Variants in KCNIP4 observed in about 807,000 individuals in gnomAD.
KCNIP4 encodes the protein Kv channel-interacting protein 4.
KCNIP4 carries 12 observed loss-of-function variants against 34.0 expected under a neutral mutation model. That is an observed-to-expected ratio of 0.35 (90% CI 0.23 to 0.57). The LOEUF (loss-of-function observed/expected upper bound fraction) is 0.57, where lower values mean the gene tolerates loss of function less well. Among genes scored for constraint, KCNIP4 ranks in the 20% least tolerant of loss-of-function variants. KCNIP4 has a pLI of 0.83. For missense variants in KCNIP4, 238 were observed against 311.7 expected (o/e 0.76, Z 1.78); for synonymous variants, 124 against 102.2 (o/e 1.21, Z -1.29).
chr4:21,233,293 T>C (rs903084161), intron 1 of KCNIP4, among the ~76,000 whole-genome samples: 1 of 152,026 alleles, frequency 6.6e-6, no homozygotes, highest in Non-Finnish European at 1.5e-5. Context: ...GGTGGTGAGA[T>C]TGTATGTCCA....
intron 1 of KCNIP4, among the ~76,000 whole-genome samples, chr4:21,302,348 A>G (rs557149862): frequency 6.6e-6 from 1 of 152,346 alleles, no homozygotes; most frequent in South Asian, 2.1e-4. Flanking sequence ...GCCACACAAC[A>G]TCCATGAAAT....
chr4:21,481,831 A>G (rs1045357918), intron 1 of KCNIP4, among the ~76,000 whole-genome samples: 4 of 152,194 alleles, frequency 2.6e-5, no homozygotes, highest in African/African-American at 9.6e-5. Context: ...ACATGAAAAA[A>G]TAATGTGAGA....
rs79513682 is a variant in KCNIP4, at chr4:21,869,221, G to C, written c.61+79350C>G. The stretch of plus-strand genomic sequence containing the variant: ...TTTCTACCCCAATTTTCTCCTCCCA[G>C]CTAGATCCTCATTGCTCTGTACACC... On this transcript the variant is annotated intron_variant, in intron 1 of 8. Transcript: ENST00000382152. Among the ~76,000 whole-genome samples, 1,320 of 152,110 alleles carry C rather than the reference G, an allele frequency of 8.7e-3. 15 individuals are homozygous for C. The highest frequency in any genetic ancestry group is 0.032 in the South Asian group (154 of 4,812).
chr4:21,224,380 T>C (rs1323500158), intron 1 of KCNIP4, among the ~76,000 whole-genome samples: 1 of 151,664 alleles, frequency 6.6e-6, no homozygotes, highest in African/African-American at 2.4e-5. Flanking sequence ...TTCAATCCCA[T>C]CCTGAGGGCC....
rs532474015 is a variant in KCNIP4 at position 21,937,519 on chromosome 4, G to A, written c.61+11052C>T. ...CATTCTGTCACTTTTTGTGAAATTT[G>A]ATGGTCTTCTATCCACAAAATTGAA... On this transcript the variant is annotated intron_variant, in intron 1 of 8. Coordinates refer to ENST00000382152, the MANE Select transcript of KCNIP4 (RefSeq NM_025221.6). Among the ~76,000 whole-genome samples, 33 of 152,104 alleles carry A rather than the reference G, an allele frequency of 2.2e-4. No individual in the cohort carries two copies. In the South Asian group the frequency reaches 6.2e-3, roughly 29 times the overall value.
intron 1 of KCNIP4, among the ~76,000 whole-genome samples, chr4:20,904,385 G>C (rs1282538662): frequency 6.7e-6 from 1 of 149,964 alleles, no homozygotes; most frequent in Non-Finnish European, 1.5e-5. Flanking sequence ...CCCTAGGAAA[G>C]TTATATGGGC....
chr4:21,653,296 TA>T (rs1409976670), intron 1 of KCNIP4, among the ~76,000 whole-genome samples: 4 of 152,216 alleles, frequency 2.6e-5, no homozygotes, highest in Non-Finnish European at 5.9e-5. Flanking sequence ...CTTAGCAGCA[TA>T]AACTCATCTT....
intron 1 of KCNIP4, among the ~76,000 whole-genome samples, chr4:21,308,443 G>A (rs1171229696): frequency 2.6e-5 from 4 of 152,092 alleles, no homozygotes; most frequent in African/African-American, 7.2e-5. Flanking sequence ...CCATCTTATG[G>A]ATGAGGAAAC....
intron 1 of KCNIP4, among the ~76,000 whole-genome samples, chr4:21,057,960 T>G (rs1361867283): frequency 2.0e-5 from 3 of 152,160 alleles, no homozygotes; most frequent in Admixed American, 1.3e-4. Flanking sequence ...GTTCAGGCAA[T>G]GCATGCTAGT....
intron 1 of KCNIP4, among the ~76,000 whole-genome samples, chr4:21,921,428 T>G (rs1483767818): frequency 6.6e-6 from 1 of 152,194 alleles, no homozygotes; most frequent in Non-Finnish European, 1.5e-5. Context: ...AACATTAGTA[T>G]CTTCAATCCC....
rs181682577 is a variant in KCNIP4 at position 21,897,204 on chromosome 4, C to T, written c.61+51367G>A. On this transcript the variant is annotated intron_variant, in intron 1 of 8. Coordinates refer to ENST00000382152, the MANE Select transcript of KCNIP4 (RefSeq NM_025221.6). ...AAAGATATTTATAATCCTCAAGAAA[C>T]GATAGTAAAGGCATTGTCTATAGAA... 1.4e-4 allele frequency among the ~76,000 whole-genome samples: 22 copies of T among 151,996 alleles called. No homozygotes were observed. In the East Asian group the frequency reaches 1.7e-3, roughly 12 times the overall value.
At chr4:20,876,540 C>A (rs1359393222) in intron 2 of KCNIP4, among the ~76,000 whole-genome samples, 1 of 152,074 alleles carries the variant, frequency 6.6e-6, no homozygotes, top group East Asian at 1.9e-4. Flanking sequence ...CAGCTGTCAG[C>A]CTCCAAGATG....
intron 1 of KCNIP4, among the ~76,000 whole-genome samples, chr4:21,085,763 T>C (rs1045566621): frequency 6.6e-6 from 1 of 152,176 alleles, no homozygotes; most frequent in African/African-American, 2.4e-5. Context: ...AAAGCCAATA[T>C]AAATGTATTT....
intron 5 of KCNIP4, among the ~76,000 whole-genome samples, chr4:20,740,429 ACT>A (rs1750787701): frequency 6.6e-6 from 1 of 151,900 alleles, no homozygotes; most frequent in Admixed American, 6.6e-5. Context: ...AATATTCAAC[ACT>A]CTTACAGAAT....
chr4:21,263,094 C>T (rs1268587710), intron 1 of KCNIP4, among the ~76,000 whole-genome samples: 2 of 152,154 alleles, frequency 1.3e-5, no homozygotes, highest in East Asian at 3.9e-4. Flanking sequence ...TTCAGGTTTT[C>T]ATGGAGCTTG....
Position 21,424,909 on chromosome 4 carries a change from T to C in KCNIP4, c.61+523662A>G, listed in dbSNP as rs532839129. Among the ~76,000 whole-genome samples the C allele has an allele frequency of 1.2e-4, 18 of 152,330 alleles. No homozygotes were observed. The South Asian group carries it at 3.7e-3, about 32-fold the overall frequency. Reference sequence around the variant, plus strand: ...GGACAATCCTGTCCCCAAATGTGCATAGGCTATTTTAATGTATTTTTTATT... The same window carrying C: ...GGACAATCCTGTCCCCAAATGTGCACAGGCTATTTTAATGTATTTTTTATT... On this transcript the variant is annotated intron_variant, in intron 1 of 8. Transcript: ENST00000382152.
intron 1 of KCNIP4, chr4:21,464,825 G>T (rs1729774609): frequency 6.6e-6 from 1 of 152,068 alleles, no homozygotes; most frequent in Admixed American, 6.6e-5. Context: ...TAGTTGTTCA[G>T]AATTTATTTT....
intron 1 of KCNIP4, among the ~76,000 whole-genome samples, chr4:20,956,253 G>A (rs1008673838): frequency 3.3e-5 from 5 of 152,146 alleles, no homozygotes; most frequent in Non-Finnish European, 5.9e-5. Context: ...TTTTTTAAAC[G>A]TTTTCTCTTG....
intron 1 of KCNIP4, among the ~76,000 whole-genome samples, chr4:21,407,252 G>T (rs778798401): frequency 1.3e-5 from 2 of 151,558 alleles, no homozygotes; most frequent in Non-Finnish European, 2.9e-5. Flanking sequence ...GAGTCACATG[G>T]CAGGCTCACC....
Sources: gnomAD v4.1 joint callset for allele counts (sites outside exome capture counted in the v4.1 genomes callset) on GRCh38, gnomAD v4.1.1 for gene constraint, MANE v1.5 for transcripts, NCBI Gene and HGNC (gene_info 2026-07-23, HGNC 2026-07-21) for gene names.